The following LUZP2 variants were observed in gnomAD, a reference collection of about 807,000 sequenced individuals.
LUZP2 encodes leucine zipper protein 2.
Under a neutral mutation model 51.6 loss-of-function variants are expected in LUZP2, and 52 were observed. That is an observed-to-expected ratio of 1.01 (90% confidence interval 0.81 to 1.27). LUZP2 has a LOEUF of 1.27. LUZP2 is among the 50% of genes most tolerant of loss of function. LUZP2 has a pLI of 0.00. For missense variants in LUZP2, 436 were observed against 395.4 expected (o/e 1.10, Z -0.87); for synonymous variants, 154 against 137.3 (o/e 1.12, Z -0.85).
chr11:24,657,953 T>G (rs1019891066), intron 1 of LUZP2, among the ~76,000 whole-genome samples: 2 of 152,190 alleles, frequency 1.3e-5, no homozygotes, highest in Admixed American at 6.5e-5. Context: ...GACCATTCCA[T>G]GCTCATGGGT....
intron 5 of LUZP2, among the ~76,000 whole-genome samples, chr11:24,874,916 T>C (rs1257185162): frequency 6.6e-6 from 1 of 152,152 alleles, no homozygotes; most frequent in Non-Finnish European, 1.5e-5. Flanking sequence ...CTCTTCTCTC[T>C]ATTCTAAAAA....
chr11:24,856,387 C>T (rs1389902292), intron 5 of LUZP2, among the ~76,000 whole-genome samples: 1 of 151,948 alleles, frequency 6.6e-6, no homozygotes, highest in Non-Finnish European at 1.5e-5. Flanking sequence ...AATGAGATAC[C>T]ATCTCATGCC....
chr11:25,042,200 C>G (rs1858086949), intron 9 of LUZP2, among the ~76,000 whole-genome samples: 1 of 151,668 alleles, frequency 6.6e-6, no homozygotes, highest in Admixed American at 6.6e-5. Flanking sequence ...AAAAAGACCA[C>G]TTATGTAATA....
At chr11:24,944,460 CATACTT>C (rs1222163126) in intron 7 of LUZP2, among the ~76,000 whole-genome samples, 3 of 152,072 alleles carry the variant, frequency 2.0e-5, no homozygotes, top group Non-Finnish European at 2.9e-5. Flanking sequence ...ACACATAAAA[CATACTT>C]ATAAAATATG....
chr11:25,025,939 T>C (rs1158816312), intron 9 of LUZP2, among the ~76,000 whole-genome samples: 1 of 152,166 alleles, frequency 6.6e-6, no homozygotes, highest in Non-Finnish European at 1.5e-5. Flanking sequence ...GTGGCACATA[T>C]ACACCATGGA....
intron 1 of LUZP2, among the ~76,000 whole-genome samples, chr11:24,728,008 C>A (rs138233949): frequency 6.6e-6 from 1 of 151,952 alleles, no homozygotes; most frequent in African/African-American, 2.4e-5. Context: ...TATATATTTT[C>A]AATTAATTAC....
chr11:24,841,303 G>T lies in LUZP2; in HGVS notation c.397-64688G>T, dbSNP rs1851025084. ...GAAGGTGGCTGCCTACAAGCAAAAAGATTGGTTCTTTCTAGACAGTGATCT... is the reference window on the plus strand; with the variant it reads ...GAAGGTGGCTGCCTACAAGCAAAAATATTGGTTCTTTCTAGACAGTGATCT... On this transcript the variant is annotated intron_variant, in intron 5 of 11. Coordinates refer to ENST00000336930, the MANE Select transcript of LUZP2 (RefSeq NM_001009909.4). Among the ~76,000 whole-genome samples the T allele has an allele frequency of 2.6e-5, 4 of 152,038 alleles. No individual in the cohort carries two copies. In the South Asian group the frequency reaches 8.3e-4, roughly 32 times the overall value.
chr11:24,524,699 G>A (rs889161391), intron 1 of LUZP2, among the ~76,000 whole-genome samples: 5 of 151,802 alleles, frequency 3.3e-5, no homozygotes, highest in Non-Finnish European at 7.4e-5. Flanking sequence ...ATATTGAATA[G>A]CAATTTTTAA....
intron 5 of LUZP2, among the ~76,000 whole-genome samples, chr11:24,875,619 G>A (rs2134278157): frequency 6.7e-6 from 1 of 150,330 alleles, no homozygotes; most frequent in South Asian, 2.2e-4. Flanking sequence ...TATATACCCA[G>A]TAATGGGATG....
intron 5 of LUZP2, among the ~76,000 whole-genome samples, chr11:24,790,193 T>A (rs1224304409): frequency 6.6e-6 from 1 of 152,202 alleles, no homozygotes; most frequent in Non-Finnish European, 1.5e-5. Flanking sequence ...TACTGCCTTT[T>A]TTTGTGTTCC....
chr11:24,913,807 T>G (rs559124826), intron 6 of LUZP2, among the ~76,000 whole-genome samples: 1 of 152,186 alleles, frequency 6.6e-6, no homozygotes, highest in South Asian at 2.1e-4. Flanking sequence ...CTGAAGTCCT[T>G]ATATTTAATG....
intron 5 of LUZP2, among the ~76,000 whole-genome samples, chr11:24,886,406 C>T (rs1367301521): frequency 6.6e-6 from 1 of 152,062 alleles, no homozygotes; most frequent in Non-Finnish European, 1.5e-5. Flanking sequence ...AAGCTCCTTC[C>T]ATGTTGGAAG....
At chr11:24,769,199 G>A (rs891980451) in intron 5 of LUZP2, among the ~76,000 whole-genome samples, 6 of 152,284 alleles carry the variant, frequency 3.9e-5, no homozygotes, top group Non-Finnish European at 8.8e-5. Context: ...TCTCAAAGAA[G>A]TAGAGAGAAT....
At chr11:25,063,060 G>A (rs889113646) in intron 10 of LUZP2, among the ~76,000 whole-genome samples, 2 of 150,776 alleles carry the variant, frequency 1.3e-5, no homozygotes, top group African/African-American at 4.9e-5. Flanking sequence ...AATAAAATTG[G>A]CCTTCTCTAT....
At chr11:24,736,963 A>G (rs1858966071) in intron 3 of LUZP2, among the ~76,000 whole-genome samples, 1 of 152,062 alleles carries the variant, frequency 6.6e-6, no homozygotes, top group Non-Finnish European at 1.5e-5. Flanking sequence ...ATTACAAAAA[A>G]CAGACAGACT....
intron 9 of LUZP2, among the ~76,000 whole-genome samples, chr11:25,003,672 G>A (rs1236916052): frequency 2.0e-5 from 3 of 152,134 alleles, no homozygotes; most frequent in South Asian, 2.1e-4. Context: ...CCTATGATAA[G>A]GAAAAGTGGT....
chr11:24,647,760 T>A (rs1240772861), intron 1 of LUZP2, among the ~76,000 whole-genome samples: 1 of 151,958 alleles, frequency 6.6e-6, no homozygotes. Flanking sequence ...AATACTCGAT[T>A]TTTTAAAATT....
intron 7 of LUZP2, among the ~76,000 whole-genome samples, chr11:24,971,577 C>T (rs981746027): frequency 8.5e-5 from 13 of 152,186 alleles, no homozygotes; most frequent in Admixed American, 6.5e-4. Context: ...CAAACCTCAG[C>T]ATCATGCAAT....
intron 4 of LUZP2, among the ~76,000 whole-genome samples, chr11:24,739,629 G>C (rs112849855): frequency 3.8e-4 from 58 of 152,144 alleles, no homozygotes; most frequent in African/African-American, 1.4e-3. Context: ...TCAATTACCT[G>C]GAATCCTAGG....
Sources: allele counts gnomAD v4.1 joint callset (sites outside exome capture counted in the v4.1 genomes callset), GRCh38; gene constraint gnomAD v4.1.1; transcripts MANE v1.5; gene names NCBI Gene and HGNC (gene_info 2026-07-23, HGNC 2026-07-21).